Variants in CMTM4 observed in about 807,000 individuals in gnomAD.
CMTM4 encodes the protein CKLF like MARVEL transmembrane domain containing 4.
CMTM4 carries 8 observed loss-of-function variants against 19.0 expected under a neutral mutation model. The observed-to-expected ratio is 0.42, with a 90% confidence interval of 0.25 to 0.76. The LOEUF is 0.76. Ranked by LOEUF, CMTM4 falls within the 30% of genes least tolerant of loss-of-function variation. The pLI, the probability that CMTM4 is intolerant of heterozygous loss-of-function variation, is 0.27. For synonymous variants in CMTM4, 106 were observed against 121.1 expected (o/e 0.88, Z 0.82); for missense variants, 228 against 290.2 (o/e 0.79, Z 1.56).
intron 1 of CMTM4, among the ~76,000 whole-genome samples, chr16:66,670,690 T>C (rs1182093229): frequency 6.6e-6 from 1 of 151,380 alleles, no homozygotes; most frequent in Admixed American, 6.6e-5. Flanking sequence ...GTCCCAGCTA[T>C]TCAGGAGGCT....
the CMTM4 span, chr16:66,605,011 G>C: frequency 4.8e-5 from 66 of 1,365,008 alleles, no homozygotes; most frequent in Non-Finnish European, 5.8e-5. This position sits in a 1 kb window ranked among gnomAD's most constrained non-coding sequence, Gnocchi z 4.6. Flanking sequence ...TTTCGGAGGA[G>C]GACGTCGGGG....
At chr16:66,664,320 T>C (rs1195816317) in intron 1 of CMTM4, among the ~76,000 whole-genome samples, 6 of 152,102 alleles carry the variant, frequency 3.9e-5, no homozygotes, top group African/African-American at 1.4e-4. Flanking sequence ...GCTATGAGGT[T>C]CTTCATGGAG....
At chr16:66,640,817 G>C (rs954830824) in intron 1 of CMTM4, among the ~76,000 whole-genome samples, 2 of 152,112 alleles carry the variant, frequency 1.3e-5, no homozygotes, top group Non-Finnish European at 2.9e-5. Context: ...GCCATGTCTT[G>C]AGGGTACTCA....
At chr16:66,654,155 A>G (rs1287660185) in intron 1 of CMTM4, among the ~76,000 whole-genome samples, 1 of 152,196 alleles carries the variant, frequency 6.6e-6, no homozygotes. Flanking sequence ...ACAATTACAA[A>G]ACATTTTCAT....
chr16:66,605,200 C>G, the CMTM4 span: 2 of 368,160 alleles, frequency 5.4e-6, no homozygotes, highest in South Asian at 1.3e-4. This position sits in a 1 kb window ranked among gnomAD's most constrained non-coding sequence, Gnocchi z 4.6. Flanking sequence ...AGCTGGGGGC[C>G]GTGGGAAGTG....
At chr16:66,685,925 A>C (rs2017022365) in intron 1 of CMTM4, among the ~76,000 whole-genome samples, 1 of 152,038 alleles carries the variant, frequency 6.6e-6, no homozygotes, top group Admixed American at 6.6e-5. Context: ...GATTACAGGC[A>C]TGAGCCACTG....
At chr16:66,647,697 C>T (rs2016230837) in intron 1 of CMTM4, among the ~76,000 whole-genome samples, 2 of 152,016 alleles carry the variant, frequency 1.3e-5, no homozygotes, top group Admixed American at 1.3e-4. Context: ...TAACTTCAAA[C>T]TATTGTTCTT....
At chr16:66,633,246 A>G (rs1371422945) in intron 2 of CMTM4, among the ~76,000 whole-genome samples, 1 of 151,398 alleles carries the variant, frequency 6.6e-6, no homozygotes, top group Non-Finnish European at 1.5e-5. Context: ...AAAATTATGC[A>G]CTGTCCTCCT....
chr16:66,652,243 C>T (rs2016323563), intron 1 of CMTM4, among the ~76,000 whole-genome samples: 3 of 152,196 alleles, frequency 2.0e-5, no homozygotes, highest in South Asian at 2.1e-4. Context: ...GCAGGCAAGG[C>T]TGGGGTGCAG....
chr16:66,690,347 A>G (rs770621770), intron 1 of CMTM4, among the ~76,000 whole-genome samples: 2 of 152,234 alleles, frequency 1.3e-5, no homozygotes, highest in Admixed American at 6.5e-5. Context: ...CTTACGAATC[A>G]GGAACCCAGC....
At chr16:66,666,475 AAAG>A (rs1210719522) in intron 1 of CMTM4, among the ~76,000 whole-genome samples, 4 of 152,296 alleles carry the variant, frequency 2.6e-5, no homozygotes, top group East Asian at 1.9e-4. Flanking sequence ...ATAAAATAAA[AAAG>A]AAGAAGACAA....
chr16:66,631,148 C>T lies in CMTM4; in HGVS notation c.363+5257G>A, dbSNP rs528562271. ...GAGGAGCGTCTCTGCCCGGCAGCCA[C>T]CCCGTCCGGGAGGGAGGTGGGGGTC... is the stretch of plus-strand genomic sequence containing the variant. On this transcript the variant is annotated intron_variant, in intron 2 of 3. Coordinates refer to ENST00000394106, the MANE Select transcript of CMTM4 (RefSeq NM_181521.3). Among the ~76,000 whole-genome samples the T allele has an allele frequency of 1.4e-4, 21 of 152,032 alleles. No homozygotes were observed. In the South Asian group the frequency reaches 4.2e-3, roughly 30 times the overall value.
chr16:66,683,161 G>C (rs1407701664), intron 1 of CMTM4, among the ~76,000 whole-genome samples: 2 of 81,504 alleles, frequency 2.5e-5, no homozygotes, highest in Admixed American at 1.7e-4. Context: ...ATATATATAC[G>C]TATATATATA....
chr16:66,667,342 T>A (rs1026483571), intron 1 of CMTM4, among the ~76,000 whole-genome samples: 40 of 151,278 alleles, frequency 2.6e-4, no homozygotes, highest in African/African-American at 9.5e-4. Flanking sequence ...TAAAATAAAA[T>A]AAAAAATAAA....
chr16:66,650,523 C>T (rs777123435), intron 1 of CMTM4, among the ~76,000 whole-genome samples: 13 of 152,150 alleles, frequency 8.5e-5, no homozygotes, highest in Non-Finnish European at 1.3e-4. Context: ...TGGTGGGCCC[C>T]GCAGACATAC....
intron 1 of CMTM4, among the ~76,000 whole-genome samples, chr16:66,695,272 G>C (rs535208377): frequency 4.6e-5 from 7 of 152,178 alleles, no homozygotes; most frequent in African/African-American, 1.4e-4. Context: ...GCTTGAGCCT[G>C]GGAGGTCGAA....
At chr16:66,614,628 C>T (rs559090055), downstream of CMTM4, 2 of 152,306 alleles carry the variant, frequency 1.3e-5, no homozygotes, top group Non-Finnish European at 1.5e-5. This position sits in a 1 kb window ranked among gnomAD's most constrained non-coding sequence, Gnocchi z 4.9. Flanking sequence ...TCACAGAGGC[C>T]TTGTTCCACC....
chr16:66,687,849 G>A (rs934731037), intron 1 of CMTM4, among the ~76,000 whole-genome samples: 4 of 151,856 alleles, frequency 2.6e-5, no homozygotes, highest in East Asian at 1.9e-4. Context: ...CACCACACCC[G>A]GCTAATTTTT....
rs2015607922 is a variant in CMTM4 at position 66,620,373 on chromosome 16, C to G, written c.*1685G>C. 1.0e-6 allele frequency: 1 copy of G among 985,392 alleles called. No homozygotes were observed. Among genetic ancestry groups the G allele is most frequent in the South Asian group, 4.7e-5 (1 of 21,294 alleles). 61.0% of individuals were successfully genotyped at this position (985,392 alleles called of 1,614,324 possible). A position where few individuals can be genotyped will look rare whatever the true frequency, so the allele number is the denominator to read the frequency against. ...GTTAACAGGCTAGCAGGGTCAGCCC[C>G]TGAGGCAGACGTGGTGCTCAGCCAC... On this transcript the variant is annotated 3_prime_UTR_variant, in exon 4 of 4. Transcript: ENST00000394106.
Sources: allele counts gnomAD v4.1 joint callset (sites outside exome capture counted in the v4.1 genomes callset), GRCh38; gene constraint gnomAD v4.1.1; non-coding constraint Gnocchi (gnomAD v3.1); transcripts MANE v1.5; gene names NCBI Gene and HGNC (gene_info 2026-07-23, HGNC 2026-07-21).